FOXP4: variants seen among roughly 807,000 people sequenced by gnomAD.
The protein encoded by FOXP4 is forkhead box protein P4.
FOXP4 carries 25 observed loss-of-function variants against 82.6 expected under a neutral mutation model. That is an observed-to-expected ratio of 0.30 (90% CI 0.22 to 0.42). The LOEUF is 0.42. Ranked by LOEUF, FOXP4 falls within the 10% of genes least tolerant of loss-of-function variation. The pLI, the probability that FOXP4 is intolerant of heterozygous loss-of-function variation, is 1.00. For missense variants in FOXP4, 785 were observed against 900.9 expected, an observed-to-expected ratio of 0.87 and a Z score of 1.65; for synonymous variants, 415 against 388.2, an observed-to-expected ratio of 1.07 and a Z score of -0.81.
intron 4 of FOXP4, 121 bp from the exon 5 acceptor site, chr6:41,585,310 A>G: frequency 9.8e-7 from 1 of 1,019,218 alleles, no homozygotes; most frequent in South Asian, 1.6e-5. Flanking sequence ...CTGACTGGGG[A>G]AAGCCAGACC....
chr6:41,559,524 G>A (rs1214096900), intron 1 of FOXP4, among the ~76,000 whole-genome samples: 1 of 152,190 alleles, frequency 6.6e-6, no homozygotes, highest in Non-Finnish European at 1.5e-5. Context: ...AGAAAAAAAA[G>A]AGAAGGGGCT....
Position 41,575,788 on chromosome 6 carries a change from G to A in FOXP4, c.205-2198G>A, listed in dbSNP as rs576983063. 4.6e-3 allele frequency among the ~76,000 whole-genome samples: 692 copies of A among 150,788 alleles called. 6 individuals carry two copies. The highest frequency in any genetic ancestry group is 0.01 in the Middle Eastern group (3 of 290). ...CTGCTGTTCCCTCCTGTCCCCCGGG[G>A]ATCTGGAGTGTGTCATCTCCCCACC... On this transcript the variant is annotated intron_variant, in intron 2 of 16. Coordinates refer to ENST00000307972, the MANE Select transcript of FOXP4 (RefSeq NM_001012426.2).
At chr6:41,550,662 C>T (rs1055559129) in intron 1 of FOXP4, among the ~76,000 whole-genome samples, 22 of 152,212 alleles carry the variant, frequency 1.4e-4, no homozygotes, top group Non-Finnish European at 2.5e-4. Flanking sequence ...TGGCCTAGGC[C>T]GCCTGCCTTC....
chr6:41,560,605 C>T (rs1053957311), intron 1 of FOXP4, among the ~76,000 whole-genome samples: 2 of 152,238 alleles, frequency 1.3e-5, no homozygotes, highest in Admixed American at 6.5e-5. Flanking sequence ...CTCCCTCCCC[C>T]GCGGGTAAAC....
chr6:41,560,129 C>T (rs1446177809), intron 1 of FOXP4, among the ~76,000 whole-genome samples: 1 of 152,188 alleles, frequency 6.6e-6, no homozygotes, highest in Non-Finnish European at 1.5e-5. Flanking sequence ...GGAGAATCAA[C>T]TTGCTCCAAG....
intron 1 of FOXP4, among the ~76,000 whole-genome samples, chr6:41,559,202 A>G (rs1391855213): frequency 1.3e-5 from 2 of 152,144 alleles, no homozygotes; most frequent in African/African-American, 2.4e-5. Context: ...CTCACACTTG[A>G]TAGAATGTAT....
Position 41,598,843 on chromosome 6 carries a change from C to T in FOXP4, c.1950C>T (p.Pro650=), listed in dbSNP as rs375063628. The T allele has an allele frequency of 4.6e-5, 73 of 1,583,064 alleles. No individual in the cohort carries two copies. The highest frequency in any genetic ancestry group is 1.2e-4 in the South Asian group (10 of 86,408). Residue 650 remains proline (P), a synonymous_variant, in exon 17 of 17, where the codon CCC becomes CCT. Coordinates refer to ENST00000307972, the MANE Select transcript of FOXP4 (RefSeq NM_001012426.2). ...EPAEAEEDRQ[P]GPPLGAPNPS... ...CAGAGGCAGAGGAAGACAGGCAGCC[C>T]GGGCCTCCCCTGGGCGCCCCTAACC...
intron 2 of FOXP4, among the ~76,000 whole-genome samples, chr6:41,574,804 A>T (rs1289939738): frequency 6.6e-6 from 1 of 152,124 alleles, no homozygotes; most frequent in Non-Finnish European, 1.5e-5. Context: ...TCACCGTGTT[A>T]ACTCGCCCTT....
At chr6:41,597,435 G>A (rs777472074) in intron 15 of FOXP4, among the ~76,000 whole-genome samples, 193 bp downstream of exon 15, 1 of 152,196 alleles carries the variant, frequency 6.6e-6, no homozygotes, top group Non-Finnish European at 1.5e-5. Flanking sequence ...TTCAAGGCTG[G>A]GTTCAGACAA....
At position 41,597,059 on chromosome 6, in the gene FOXP4, C is replaced by T. The variant is rs1766883282; in HGVS notation, c.1659-117C>T. The T allele has an allele frequency of 1.2e-5, 13 of 1,108,010 alleles. No individual in the cohort carries two copies. In the East Asian group the frequency reaches 1.4e-4, roughly 12 times the overall value. 68.6% of individuals were successfully genotyped at this position (1,108,010 alleles called of 1,614,324 possible). On this transcript the variant is annotated intron_variant, in intron 14 of 16. Coordinates refer to ENST00000307972, the MANE Select transcript of FOXP4 (RefSeq NM_001012426.2). ...ACAGCGGCTGATCCGCCCTGGCCTC[C>T]CGGAATAGGGAATGGGACCCATTCC...
At position 41,600,173 on chromosome 6, in the gene FOXP4, C is replaced by G. The variant is rs530066207; in HGVS notation, c.*1237C>G. 3.9e-5 allele frequency: 6 copies of G among 152,740 alleles called. No homozygotes were observed. The highest frequency in any genetic ancestry group is 1.9e-4 in the East Asian group (1 of 5,136). The allele number at this position is 152,740 out of a possible 1,614,324, so 9.5% of individuals were successfully genotyped here. A position where few individuals can be genotyped will look rare whatever the true frequency, so the allele number is the denominator to read the frequency against. ...CTCAGTGGAGGCAGGGCCCTGCCCC[C>G]CTCCCTTCCGCTCCTGCCCAGCCTG... is the stretch of plus-strand genomic sequence containing the variant. On this transcript the variant is annotated 3_prime_UTR_variant, in exon 17 of 17. Transcript: ENST00000307972.
intron 1 of FOXP4, among the ~76,000 whole-genome samples, chr6:41,559,973 A>C (rs1485514792): frequency 6.6e-6 from 1 of 152,216 alleles, no homozygotes. Context: ...GTGGTCCGTC[A>C]TTCTCATCTT....
chr6:41,570,035 G>C, intron 2 of FOXP4: 1 of 198,438 alleles, frequency 5.0e-6, no homozygotes, highest in South Asian at 7.4e-5. Context: ...GACAGCAGGG[G>C]AAGGGGAGGA....
chr6:41,590,096 G>T lies in FOXP4; in HGVS notation c.1283G>T (p.Gly428Val). The T allele has an allele frequency of 6.2e-7, 1 of 1,613,624 alleles. No individual in the cohort carries two copies. The highest frequency in any genetic ancestry group is 8.5e-7 in the Non-Finnish European group (1 of 1,179,816). ...ACCCCTCTACGGCCCCCTGGCCTGG[G>T]CTCTGCCTCCCTGCATGGTGGGGGC... ...PVTPLRPPGLGSASLHGGGPA... is the reference protein window; with the variant it reads ...PVTPLRPPGLVSASLHGGGPA... Residue 428 changes from glycine to valine, a missense_variant, in exon 11 of 17, where the codon GGC (glycine) becomes GTC (valine). By Grantham distance (109) the Gly-to-Val change is moderately radical (BLOSUM62 -3). Around this residue, in one of 3 missense-constraint regions of FOXP4, gnomAD observed 570 missense variants for 634.0 expected, o/e 0.90. Transcript: ENST00000307972.
intron 3 of FOXP4, among the ~76,000 whole-genome samples, chr6:41,583,537 C>T (rs905366991): frequency 3.9e-5 from 6 of 152,232 alleles, no homozygotes; most frequent in African/African-American, 1.4e-4. Flanking sequence ...AGAGGGGCCT[C>T]TGAGGTGCCA....
intron 3 of FOXP4, among the ~76,000 whole-genome samples, chr6:41,581,866 G>T (rs1440084243): frequency 1.3e-5 from 2 of 152,250 alleles, no homozygotes; most frequent in Non-Finnish European, 2.9e-5. Flanking sequence ...AAGGAAGAAA[G>T]GCCCGAGGAA....
chr6:41,565,443 G>T (rs1764818470), intron 1 of FOXP4, among the ~76,000 whole-genome samples: 1 of 152,108 alleles, frequency 6.6e-6, no homozygotes, highest in South Asian at 2.1e-4. Flanking sequence ...CCTCAACTGG[G>T]GCAAAAAATC....
intron 5 of FOXP4, among the ~76,000 whole-genome samples, 192 bp from the exon 6 acceptor site, chr6:41,586,801 CGTGCGTGCATGCGTGT>C (rs1766155038): frequency 6.6e-6 from 1 of 152,234 alleles, no homozygotes; most frequent in African/African-American, 2.4e-5. Flanking sequence ...CGCGTGCGTG[CGTGCGTGCATGCGTGT>C]GTTTACTGCG....
At chr6:41,566,366 G>A (rs138962895) in intron 2 of FOXP4, among the ~76,000 whole-genome samples, 217 of 152,336 alleles carry the variant, frequency 1.4e-3, no homozygotes, top group African/African-American at 4.6e-3. Context: ...TGTGCACACA[G>A]GGGGATCTTC....
Sources: allele counts gnomAD v4.1 joint callset (sites outside exome capture counted in the v4.1 genomes callset), GRCh38; gene constraint gnomAD v4.1.1; regional missense constraint gnomAD v4.1.1; transcripts MANE v1.5; gene names NCBI Gene and HGNC (gene_info 2026-07-23, HGNC 2026-07-21).